The following MEA1 variants were observed in gnomAD, a reference collection of about 807,000 sequenced individuals.
MEA1 encodes Male-enhanced antigen (H-Y structural gene).
MEA1 carries 22 observed loss-of-function variants against 21.4 expected under a neutral mutation model. The ratio of observed to expected loss-of-function variants is 1.03; its 90% confidence interval spans 0.73 to 1.47. The LOEUF (loss-of-function observed/expected upper bound fraction) is 1.47. Among genes scored for constraint, MEA1 ranks in the 40% most tolerant of loss-of-function variants. The pLI is 0.00. For missense variants in MEA1, 233 were observed against 230.5 expected (o/e 1.01, Z -0.07); for synonymous variants, 91 against 85.5 (o/e 1.06, Z -0.35).
At chr6:43,014,079 C>T, upstream of MEA1, 1 of 1,419,174 alleles carries the variant, frequency 7.0e-7, no homozygotes, top group Non-Finnish European at 9.2e-7. Flanking sequence ...CCTCCTCGGT[C>T]TCGACACATA....
chr6:43,013,417 G>T, intron 1 of MEA1, 28 bp from the exon 2 acceptor site: 1 of 1,605,040 alleles, frequency 6.2e-7, no homozygotes, highest in South Asian at 1.1e-5. Flanking sequence ...CGGTAGGACA[G>T]GGATCGGATG....
chr6:43,013,062 C>A, intron 2 of MEA1, 34 bp from the exon 3 acceptor site: 1 of 1,614,084 alleles, frequency 6.2e-7, no homozygotes, highest in Non-Finnish European at 8.5e-7. Flanking sequence ...TGGGTCTAGG[C>A]TTTCAGGGAG....
chr6:43,014,218 G>A, upstream of MEA1: 1 of 1,257,440 alleles, frequency 8.0e-7, no homozygotes, highest in Non-Finnish European at 1.1e-6. Flanking sequence ...TGCGCGCACA[G>A]CTGCCCGCCG....
chr6:43,015,013 G>T (rs1159948075), upstream of MEA1, among the ~76,000 whole-genome samples: 1 of 152,158 alleles, frequency 6.6e-6, no homozygotes, highest in Non-Finnish European at 1.5e-5. Context: ...ATATGGCAGA[G>T]AAACTAAAAT....
chr6:43,015,107 A>G (rs1047157453), upstream of MEA1, among the ~76,000 whole-genome samples: 69 of 152,210 alleles, frequency 4.5e-4, 1 homozygote, highest in Admixed American at 4.5e-3. Flanking sequence ...GAAGGGAAGA[A>G]TAGAGAATAT....
chr6:43,014,084 C>T (rs1053710164), upstream of MEA1: 3 of 1,416,938 alleles, frequency 2.1e-6, no homozygotes, highest in African/African-American at 4.3e-5. Flanking sequence ...TCGGTCTCGA[C>T]ACATATTTGC....
chr6:43,014,974 G>T (rs1762525715), upstream of MEA1, among the ~76,000 whole-genome samples: 1 of 152,150 alleles, frequency 6.6e-6, no homozygotes, highest in Non-Finnish European at 1.5e-5. Context: ...AGCGCCTGGG[G>T]GCTTGTTCTC....
Position 43,011,163 on chromosome 6 carries a change from C to G in MEA1, c.*1307G>C, listed in dbSNP as rs1383973767. 6 of 1,614,020 alleles carry G rather than the reference C, an allele frequency of 3.7e-6. No homozygotes were observed. The highest frequency in any genetic ancestry group is 5.1e-6 in the Non-Finnish European group (6 of 1,180,016). ...TTCACACACAGATGCTAAAAGACAT[C>G]AAGAAGGAGAAAGTGCTGCTGCGGA... On this transcript the variant is annotated 3_prime_UTR_variant, in exon 4 of 4. Transcript: ENST00000244711.
Position 43,012,215 on chromosome 6 carries a change from A to T in MEA1, c.*255T>A. 1 of 1,181,842 alleles carries T rather than the reference A, an allele frequency of 8.5e-7. No individual in the cohort carries two copies. The highest frequency in any genetic ancestry group is 3.9e-5 in the East Asian group (1 of 25,512). 73.2% of individuals were successfully genotyped at this position (1,181,842 alleles called of 1,614,324 possible). On this transcript the variant is annotated 3_prime_UTR_variant, in exon 4 of 4. Coordinates refer to ENST00000244711, the MANE Select transcript of MEA1 (RefSeq NM_014623.4). ...GGCCGGACCCAGGTTCCAGGGGCGC[A>T]GGCAGTGCGGCTTTTGGCTGTGTAC... is the stretch of plus-strand genomic sequence containing the variant.
In MEA1 at chr6:43,011,177, T is replaced by C. The variant is rs761054959; in HGVS notation, c.*1293A>G. On this transcript the variant is annotated 3_prime_UTR_variant, in exon 4 of 4. Transcript: ENST00000244711. Reference sequence around the variant, plus strand: ...CTAAAAGACATCAAGAAGGAGAAAGTGCTGCTGCGGAGGAAGTCGGAGCTG... The same window carrying C: ...CTAAAAGACATCAAGAAGGAGAAAGCGCTGCTGCGGAGGAAGTCGGAGCTG... The C allele has an allele frequency of 1.9e-6, 3 of 1,613,962 alleles. No homozygotes were observed. In the African/African-American group the frequency reaches 4.0e-5, roughly 22 times the overall value.
rs754402915 is a variant in MEA1, at chr6:43,012,952, T to G, written c.380A>C (p.Asn127Thr). Residue 127 changes from asparagine (N) to threonine (T), a missense_variant, in exon 3 of 4, where the codon AAC becomes ACC. By Grantham distance (65) the Asn-to-Thr change is moderately conservative (BLOSUM62 0). Transcript: ENST00000244711. The stretch of plus-strand genomic sequence containing the variant: ...TGGGTCCATGGGAATAGAGCTGTGG[T>G]TGTTCAACGCTGTAGCTCCCTCCTC... ...EDEEGATALNNHSSIPMDPEH... is the reference protein window; with the variant it reads ...EDEEGATALNTHSSIPMDPEH... 6 of 1,614,154 alleles carry G rather than the reference T, an allele frequency of 3.7e-6. No homozygotes were observed. Among genetic ancestry groups the G allele is most frequent in the Non-Finnish European group, 3.4e-6 (4 of 1,179,992 alleles).
chr6:43,011,463 C>A lies in MEA1; in HGVS notation c.*1007G>T. The A allele has an allele frequency of 1.2e-6, 1 of 836,492 alleles. No homozygotes were observed. The highest frequency in any genetic ancestry group is 1.8e-6 in the Non-Finnish European group (1 of 550,784). The allele number at this position is 836,492 out of a possible 1,614,324, so 51.8% of individuals were successfully genotyped here. On this transcript the variant is annotated 3_prime_UTR_variant, in exon 4 of 4. Coordinates refer to ENST00000244711, the MANE Select transcript of MEA1 (RefSeq NM_014623.4). Reference sequence around the variant, plus strand: ...CACCCACAGAATGGTCCCTCTTCTCCCCAAAAGGTGTTCATGCCTCCCTGT... The same window carrying A: ...CACCCACAGAATGGTCCCTCTTCTCACCAAAAGGTGTTCATGCCTCCCTGT...
At chr6:43,016,591 C>T (rs1280715398), upstream of MEA1, 1 of 153,486 alleles carries the variant, frequency 6.5e-6, no homozygotes, top group Non-Finnish European at 1.5e-5. Context: ...ATCAGTCCCG[C>T]CCTATCTTGG....
Position 43,013,396 on chromosome 6 carries a change from G to A in MEA1, c.29-7C>T. On this transcript the variant is annotated splice_polypyrimidine_tract_variant and splice_region_variant and intron_variant, in intron 1 of 3. Coordinates refer to ENST00000244711, the MANE Select transcript of MEA1 (RefSeq NM_014623.4). ...GTTGCCATCCGGGCAGGGGCTGCAA[G>A]AACAGGGAGGCGGTAGGACAGGGAT... 6.2e-7 allele frequency: 1 copy of A among 1,611,056 alleles called. No homozygotes were observed. The highest frequency in any genetic ancestry group is 8.5e-7 in the Non-Finnish European group (1 of 1,178,936).
Position 43,012,986 on chromosome 6 carries a change from C to T in MEA1, c.346G>A (p.Asp116Asn), listed in dbSNP as rs747065879. 12 of 1,614,208 alleles carry T rather than the reference C, an allele frequency of 7.4e-6. No homozygotes were observed. The highest frequency in any genetic ancestry group is 8.5e-6 in the Non-Finnish European group (10 of 1,180,040). ...GCTGTAGCTCCCTCCTCATCTTCAT[C>T]TTCACTCTCTAATGGTGGGTCTGGC... is the stretch of plus-strand genomic sequence containing the variant. Reference protein sequence around the residue: ...HLPDPPLESEDEDEEGATALN... With the variant: ...HLPDPPLESENEDEEGATALN... Residue 116 changes from aspartate to asparagine, a missense_variant, in exon 3 of 4, where the codon GAT becomes AAT. By Grantham distance (23) the Asp-to-Asn change is conservative. Coordinates refer to ENST00000244711, the MANE Select transcript of MEA1 (RefSeq NM_014623.4).
chr6:43,015,727 G>C (rs753553570), upstream of MEA1, among the ~76,000 whole-genome samples: 76 of 151,956 alleles, frequency 5.0e-4, no homozygotes, highest in Admixed American at 1.3e-3. Flanking sequence ...GCAGGCGCCT[G>C]TAATCCCAGC....
chr6:43,014,040 A>C (rs971047499), upstream of MEA1: 3 of 1,423,738 alleles, frequency 2.1e-6, no homozygotes, highest in African/African-American at 1.4e-5. Flanking sequence ...TTCCCAGCCC[A>C]AAAAACAAAG....
Position 43,013,772 on chromosome 6 carries a change from G to A in MEA1, c.28+14C>T, listed in dbSNP as rs1762470544. On this transcript the variant is annotated intron_variant, in intron 1 of 3. Coordinates refer to ENST00000244711, the MANE Select transcript of MEA1 (RefSeq NM_014623.4). ...CGCCCCCTTCTCCCCTCTCCTAGAG[G>A]ACCCCCTCTGTACCGCCTGACAGAT... is the stretch of plus-strand genomic sequence containing the variant. 2 of 1,602,184 alleles carry A rather than the reference G, an allele frequency of 1.2e-6. No individual in the cohort carries two copies. Among genetic ancestry groups the A allele is most frequent in the Non-Finnish European group, 1.7e-6 (2 of 1,171,552 alleles).
chr6:43,012,475 T>C lies in MEA1; in HGVS notation c.553A>G (p.Lys185Glu). 6.3e-7 allele frequency: 1 copy of C among 1,598,808 alleles called. No homozygotes were observed. Among genetic ancestry groups the C allele is most frequent in the Non-Finnish European group, 8.5e-7 (1 of 1,174,384 alleles). ...TAAGGCAGCTCTCACTGTGGTCACT[T>C]CCAGGCAGGGGATGCCTGCCGGGCT... ...LQARQASPAW[K>E] The change falls in exon 4 of 4, where the codon AAG (lysine) becomes GAG (glutamate). Residue 185 changes from lysine to glutamate, a missense_variant. Transcript: ENST00000244711.
Sources: gnomAD v4.1 joint callset for allele counts (sites outside exome capture counted in the v4.1 genomes callset) on GRCh38, gnomAD v4.1.1 for gene constraint, MANE v1.5 for transcripts, NCBI Gene and HGNC (gene_info 2026-07-23, HGNC 2026-07-21) for gene names.